Variants in SHC4 observed in about 807,000 individuals in gnomAD.
The protein encoded by SHC4 is SHC-transforming protein 4.
A neutral mutation model predicts 69.4 loss-of-function variants in SHC4; 41 were observed. The ratio of observed to expected loss-of-function variants is 0.59; its 90% CI spans 0.46 to 0.77. The LOEUF (loss-of-function observed/expected upper bound fraction) is 0.77, where lower values mean the gene tolerates loss of function less well. Ranked by LOEUF, SHC4 falls within the 30% of genes least tolerant of loss-of-function variation. SHC4 has a pLI of 0.00. For missense variants in SHC4, 777 were observed against 783.8 expected (o/e 0.99, Z 0.10); for synonymous variants, 318 against 299.3 (o/e 1.06, Z -0.64).
At chr15:48,915,877 G>A (rs755245013) in intron 2 of SHC4, among the ~76,000 whole-genome samples, 8 of 152,118 alleles carry the variant, frequency 5.3e-5, no homozygotes, top group Non-Finnish European at 8.8e-5. Flanking sequence ...ACTGGGGAAT[G>A]TTCCCTTGTC....
At chr15:48,836,046 A>G (rs945437245) in intron 10 of SHC4, among the ~76,000 whole-genome samples, 2 of 142,750 alleles carry the variant, frequency 1.4e-5, no homozygotes, top group East Asian at 2.1e-4. Flanking sequence ...AAAAAAAAAA[A>G]GCCAGGCATA....
chr15:48,830,327 A>T (rs1898773850), intron 11 of SHC4, among the ~76,000 whole-genome samples: 1 of 152,214 alleles, frequency 6.6e-6, no homozygotes, highest in Non-Finnish European at 1.5e-5. Flanking sequence ...TTATTTCTCC[A>T]CACACAATTT....
intron 4 of SHC4, chr15:48,879,951 G>A (rs1192680502): frequency 6.0e-6 from 1 of 167,106 alleles, no homozygotes; most frequent in East Asian, 1.9e-4. Flanking sequence ...TGTAAATTAA[G>A]TTTTTGCCTA....
intron 2 of SHC4, among the ~76,000 whole-genome samples, chr15:48,920,730 C>T (rs1018219157): frequency 5.9e-5 from 9 of 151,932 alleles, no homozygotes; most frequent in Non-Finnish European, 1.0e-4. Context: ...AGAATTTGTC[C>T]TTTGGAAATA....
intron 11 of SHC4, among the ~76,000 whole-genome samples, chr15:48,829,869 A>G (rs192498843): frequency 2.6e-3 from 399 of 152,328 alleles, no homozygotes; most frequent in African/African-American, 9.2e-3. Flanking sequence ...TAGTGAGCTG[A>G]GATTGTGCCA....
At chr15:48,867,113 C>A (rs183163950) in intron 6 of SHC4, among the ~76,000 whole-genome samples, 167 of 152,282 alleles carry the variant, frequency 1.1e-3, no homozygotes, top group Non-Finnish European at 1.9e-3. Flanking sequence ...GTAGAAAGGA[C>A]ACATTAAACA....
chr15:48,838,070 A>T (rs1898929753), intron 10 of SHC4, among the ~76,000 whole-genome samples: 1 of 152,236 alleles, frequency 6.6e-6, no homozygotes. Flanking sequence ...TCAATAAGGG[A>T]CTGACTACAT....
intron 5 of SHC4, among the ~76,000 whole-genome samples, chr15:48,871,266 C>T (rs1475029248): frequency 1.3e-5 from 2 of 152,142 alleles, no homozygotes; most frequent in Non-Finnish European, 2.9e-5. Context: ...GATGTTTAAC[C>T]ATTATGAAAG....
chr15:48,916,314 CA>C (rs1567069119), intron 2 of SHC4, among the ~76,000 whole-genome samples: 23 of 139,116 alleles, frequency 1.7e-4, no homozygotes, highest in Non-Finnish European at 3.0e-4. Context: ...CACACACACA[CA>C]CACCCAGAAG....
At chr15:48,841,701 C>T (rs919264820) in intron 10 of SHC4, among the ~76,000 whole-genome samples, 1 of 152,252 alleles carries the variant, frequency 6.6e-6, no homozygotes, top group African/African-American at 2.4e-5. Flanking sequence ...GCCAATCCTA[C>T]TTCCTCTCCA....
intron 11 of SHC4, among the ~76,000 whole-genome samples, chr15:48,830,467 T>C (rs62009449): frequency 0.13 from 20,212 of 152,188 alleles, 1,769 homozygotes; most frequent in East Asian, 0.3. Flanking sequence ...GGTGATCCCA[T>C]AAGCTTATAA....
Position 48,950,817 on chromosome 15 carries a change from C to G in SHC4, c.585+11614G>C, listed in dbSNP as rs550864641. ...GGGATATCCACTGGTGTGCTTGGGT[C>G]GCGATGGTTGGCGTTAATATCCTGG... On this transcript the variant is annotated intron_variant, in intron 1 of 11. Transcript: ENST00000332408. 1.9e-3 allele frequency among the ~76,000 whole-genome samples: 287 copies of G among 152,020 alleles called. 2 individuals carry two copies. The highest frequency in any genetic ancestry group is 6.5e-3 in the African/African-American group (268 of 41,458).
At chr15:48,935,209 G>A (rs1226484689) in intron 1 of SHC4, among the ~76,000 whole-genome samples, 1 of 152,166 alleles carries the variant, frequency 6.6e-6, no homozygotes, top group Non-Finnish European at 1.5e-5. Flanking sequence ...GATGAATAAT[G>A]GATAAATGAA....
intron 2 of SHC4, among the ~76,000 whole-genome samples, chr15:48,924,415 C>G (rs1261086486): frequency 6.6e-6 from 1 of 152,180 alleles, no homozygotes; most frequent in Non-Finnish European, 1.5e-5. Flanking sequence ...TCCCTGATTC[C>G]ACTGTTCCAT....
chr15:48,874,328 T>C (rs929986345), intron 4 of SHC4, among the ~76,000 whole-genome samples: 4 of 152,202 alleles, frequency 2.6e-5, no homozygotes, highest in East Asian at 1.9e-4. Flanking sequence ...CATGTGTCCA[T>C]GGTGAGAAGA....
Position 48,868,624 on chromosome 15 carries a change from T to C in SHC4, c.895-755A>G, listed in dbSNP as rs150664166. On this transcript the variant is annotated intron_variant, in intron 5 of 11. Coordinates refer to ENST00000332408, the MANE Select transcript of SHC4 (RefSeq NM_203349.4). ...TGTTATCTAAGTTCTTGGGAAAAAA[T>C]ACACACAATTCCATTTGCAGATTAG... Among the ~76,000 whole-genome samples, 93 of 152,216 alleles carry C rather than the reference T, an allele frequency of 6.1e-4. 1 individual carries two copies. In the East Asian group the frequency reaches 0.018, roughly 29 times the overall value.
chr15:48,937,364 T>TG (rs778135645), intron 1 of SHC4, among the ~76,000 whole-genome samples: 2 of 152,102 alleles, frequency 1.3e-5, no homozygotes, highest in Non-Finnish European at 2.9e-5. Flanking sequence ...CGCCTGGCCC[T>TG]GATGCCTTTT....
At chr15:48,956,166 C>G (rs189285167) in intron 1 of SHC4, among the ~76,000 whole-genome samples, 1 of 152,268 alleles carries the variant, frequency 6.6e-6, no homozygotes, top group Non-Finnish European at 1.5e-5. Flanking sequence ...ACCCTCAATG[C>G]CAAGTCATCA....
intron 1 of SHC4, among the ~76,000 whole-genome samples, chr15:48,952,606 A>C (rs1209956508): frequency 6.6e-6 from 1 of 152,242 alleles, no homozygotes. Context: ...CCCATTGAAA[A>C]ATGGGCAAAG....
Sources: gnomAD v4.1 joint callset for allele counts (sites outside exome capture counted in the v4.1 genomes callset) on GRCh38, gnomAD v4.1.1 for gene constraint, MANE v1.5 for transcripts, NCBI Gene and HGNC (gene_info 2026-07-23, HGNC 2026-07-21) for gene names.